MTARC2: variants seen among roughly 807,000 people sequenced by gnomAD.
MTARC2 encodes the protein MOCO sulphurase C-terminal domain containing 2.
Under a neutral mutation model 35.6 loss-of-function variants are expected in MTARC2, and 27 were observed. The ratio of observed to expected loss-of-function variants is 0.76; its 90% CI spans 0.56 to 1.04. The LOEUF is 1.04. MTARC2 is among the 50% of genes least tolerant of loss of function. MTARC2 has a pLI of 0.00. For synonymous variants in MTARC2, 158 were observed against 167.1 expected, an observed-to-expected ratio of 0.95 and a Z score of 0.42; for missense variants, 412 against 432.5, an observed-to-expected ratio of 0.95 and a Z score of 0.42.
intron 4 of MTARC2, among the ~76,000 whole-genome samples, chr1:220,773,981 A>C (rs1671819016): frequency 6.6e-6 from 1 of 151,996 alleles, no homozygotes; most frequent in South Asian, 2.1e-4. Flanking sequence ...ACACACACAC[A>C]CACACACATA....
At chr1:220,764,659 C>A (rs771481215) in intron 4 of MTARC2, among the ~76,000 whole-genome samples, 1 of 151,858 alleles carries the variant, frequency 6.6e-6, no homozygotes, top group African/African-American at 2.4e-5. Flanking sequence ...TATGGTGGTG[C>A]GTGCCTATAG....
intron 4 of MTARC2, among the ~76,000 whole-genome samples, chr1:220,774,995 G>A (rs564596827): frequency 3.3e-5 from 5 of 152,046 alleles, no homozygotes; most frequent in Middle Eastern, 3.4e-3. Context: ...ATGCATCTAC[G>A]GAGAGAGAGA....
chr1:220,763,179 A>T, intron 4 of MTARC2, 129 bp downstream of exon 4: 1 of 1,308,736 alleles, frequency 7.6e-7, no homozygotes, highest in East Asian at 2.4e-5. Flanking sequence ...TGCTGCCATC[A>T]CTCATTGCTT....
At chr1:220,757,589 G>T (rs1212597212) in intron 2 of MTARC2, among the ~76,000 whole-genome samples, 1 of 152,130 alleles carries the variant, frequency 6.6e-6, no homozygotes, top group African/African-American at 2.4e-5. Context: ...GATTGGTGAG[G>T]TCCCTTTTCA....
chr1:220,755,164 T>C (rs145995743), intron 2 of MTARC2, 44 bp downstream of exon 2: 2 of 1,543,780 alleles, frequency 1.3e-6, no homozygotes, highest in Non-Finnish European at 1.7e-6. Flanking sequence ...CAGGCTTGGT[T>C]TCTCTTCAGG....
At chr1:220,770,574 T>G in intron 4 of MTARC2, 1 of 985,210 alleles carries the variant, frequency 1.0e-6, no homozygotes, top group Non-Finnish European at 1.2e-6. Flanking sequence ...AGGATTGATC[T>G]CAGAGACCAT....
rs376611603 is a variant in MTARC2, at chr1:220,766,346, TC to T, written c.750+3301del. The stretch of plus-strand genomic sequence containing the variant: ...TCAATGGCTTGCCAGTAAACCCACC[TC>T]CCCCTCCCAGTTCTAGTTTCCCACA... On this transcript the variant is annotated intron_variant, in intron 4 of 7. Transcript: ENST00000366913. 3.7e-3 allele frequency among the ~76,000 whole-genome samples: 559 copies of T among 152,212 alleles called. 2 individuals are homozygous for T. Among genetic ancestry groups the T allele is most frequent in the African/African-American group, 0.013 (544 of 41,544 alleles).
At chr1:220,781,721 A>C (rs536832945) in intron 6 of MTARC2, 57 bp from the exon 7 acceptor site, 2 of 1,599,136 alleles carry the variant, frequency 1.3e-6, no homozygotes, top group East Asian at 2.2e-5. Context: ...TCTATTGAGA[A>C]TACTTCGATT....
chr1:220,783,666 G>A (rs1283114074), intron 7 of MTARC2, among the ~76,000 whole-genome samples: 1 of 152,198 alleles, frequency 6.6e-6, no homozygotes, highest in Admixed American at 6.5e-5. Flanking sequence ...ATCTTTATCT[G>A]TGAGAGGATC....
intron 4 of MTARC2, among the ~76,000 whole-genome samples, chr1:220,775,678 T>G (rs1671883403): frequency 6.6e-6 from 1 of 152,206 alleles, no homozygotes; most frequent in African/African-American, 2.4e-5. Context: ...ACCCTCTTCC[T>G]ACTCTCCACC....
Position 220,748,564 on chromosome 1 carries a change from C to T in MTARC2, c.33C>T (p.Arg11=), listed in dbSNP as rs959092732. The T allele has an allele frequency of 3.5e-6, 5 of 1,442,292 alleles. No individual in the cohort carries two copies. Among genetic ancestry groups the T allele is most frequent in the Non-Finnish European group, 4.5e-6 (5 of 1,106,062 alleles). 89.3% of individuals were successfully genotyped at this position (1,442,292 alleles called of 1,614,324 possible). Residue 11 remains arginine (R), a synonymous_variant, in exon 1 of 8, where the codon CGC becomes CGT. Transcript: ENST00000366913. The part of the protein sequence containing the change: MGASSSSALA[R]LGLPARPWPR... ...CTTCCAGCTCCTCCGCGCTGGCCCG[C>T]CTCGGCCTCCCAGCCCGGCCCTGGC...
intron 4 of MTARC2, among the ~76,000 whole-genome samples, chr1:220,764,457 C>T (rs1342489740): frequency 1.3e-5 from 2 of 152,112 alleles, no homozygotes; most frequent in Admixed American, 6.6e-5. Context: ...TATAAACCAT[C>T]GTACATGTAG....
At chr1:220,776,300 C>T (rs1298583460) in intron 4 of MTARC2, among the ~76,000 whole-genome samples, 5 of 152,052 alleles carry the variant, frequency 3.3e-5, no homozygotes, top group Admixed American at 2.0e-4. Flanking sequence ...TTTTCATGTG[C>T]TTGTTGGTCG....
In MTARC2 at chr1:220,769,583, C is replaced by T. The variant is rs373672174; in HGVS notation, c.750+6533C>T. ...GCAAAGTCGTAACTGGCAGGAGTTGCGGATGTGCCTGGAGAGCAGAGTGGC... is the reference window on the plus strand; with the variant it reads ...GCAAAGTCGTAACTGGCAGGAGTTGTGGATGTGCCTGGAGAGCAGAGTGGC... On this transcript the variant is annotated intron_variant, in intron 4 of 7. Transcript: ENST00000366913. 7.3e-4 allele frequency among the ~76,000 whole-genome samples: 111 copies of T among 152,216 alleles called. 6 individuals carry two copies. The South Asian group carries it at 0.022, about 30-fold the overall frequency.
intron 4 of MTARC2, chr1:220,770,511 C>A (rs1671714459): frequency 3.0e-6 from 3 of 985,310 alleles, no homozygotes; most frequent in South Asian, 4.7e-5. Flanking sequence ...ACCCAAGAGA[C>A]AAGCCCTTCA....
chr1:220,777,782 C>T (rs1445216492), intron 4 of MTARC2, among the ~76,000 whole-genome samples: 2 of 152,144 alleles, frequency 1.3e-5, no homozygotes, highest in African/African-American at 2.4e-5. Flanking sequence ...CTTTATATAG[C>T]TCTACATACA....
intron 4 of MTARC2, chr1:220,770,265 C>T: frequency 3.3e-6 from 1 of 299,410 alleles, no homozygotes; most frequent in South Asian, 1.3e-4. Flanking sequence ...TTTATCCCTG[C>T]CCCTGAGTGA....
intron 1 of MTARC2, among the ~76,000 whole-genome samples, chr1:220,750,907 G>C (rs1357547010): frequency 2.0e-5 from 3 of 152,202 alleles, no homozygotes; most frequent in Non-Finnish European, 2.9e-5. Flanking sequence ...TTGCACTGAG[G>C]ATCAGGAGAC....
At chr1:220,765,644 C>T (rs1671560254) in intron 4 of MTARC2, among the ~76,000 whole-genome samples, 9 of 148,660 alleles carry the variant, frequency 6.1e-5, no homozygotes, top group Admixed American at 5.4e-4. Flanking sequence ...GCAATCACGG[C>T]TCACTGCAGC....
Sources: allele counts gnomAD v4.1 joint callset (sites outside exome capture counted in the v4.1 genomes callset), GRCh38; gene constraint gnomAD v4.1.1; transcripts MANE v1.5; gene names NCBI Gene and HGNC (gene_info 2026-07-23, HGNC 2026-07-21).